Variants in ZNF266 observed in about 807,000 individuals in gnomAD.
ZNF266 encodes zinc finger protein 266.
In ZNF266, 16 loss-of-function variants were observed where a neutral mutation model predicts 16.4. The ratio of observed to expected loss-of-function variants is 0.98; its 90% CI spans 0.66 to 1.48. The LOEUF (loss-of-function observed/expected upper bound fraction) is 1.48, where lower values mean the gene tolerates loss of function less well. ZNF266 is among the 40% of genes most tolerant of loss of function. ZNF266 has a pLI of 0.00. For missense variants in ZNF266, 738 were observed against 689.1 expected, an observed-to-expected ratio of 1.07 and a Z score of -0.79; for synonymous variants, 262 against 237.9, an observed-to-expected ratio of 1.10 and a Z score of -0.93.
chr19:9,414,756 G>A (rs1335003447), intron 10 of ZNF266, 36 bp from the exon 11 acceptor site: 13 of 1,507,570 alleles, frequency 8.6e-6, no homozygotes, highest in South Asian at 1.3e-5. Context: ...TTAAAGGACG[G>A]TTCAGATTGA....
chr19:9,413,328 TG>T lies in ZNF266; in HGVS notation c.1797del (p.Ser600ValfsTer24), dbSNP rs2068488717. On this transcript the variant is annotated frameshift_variant, in exon 11 of 11. Transcript: ENST00000592904. LOFTEE classifies it low-confidence loss of function (END_TRUNC). The part of the protein sequence containing the change: ...CKECGKAFSS[S>X]SSFRNHERRH... ...CTTCTTTCATGATTTCGAAAGGAACTGGAAGAACTGAAGGCTTTCCCGCACT... is the reference window on the plus strand; with the variant it reads ...CTTCTTTCATGATTTCGAAAGGAACTGAAGAACTGAAGGCTTTCCCGCACT... 1.2e-5 allele frequency: 19 copies of T among 1,610,210 alleles called. No homozygotes were observed. Among genetic ancestry groups the T allele is most frequent in the Non-Finnish European group, 1.5e-5 (18 of 1,177,930 alleles).
chr19:9,427,067 G>A (rs1357246445), intron 5 of ZNF266, among the ~76,000 whole-genome samples: 2 of 152,152 alleles, frequency 1.3e-5, no homozygotes, highest in Non-Finnish European at 2.9e-5. Flanking sequence ...GGGCCTCAAG[G>A]ATGAAAACTT....
intron 9 of ZNF266, among the ~76,000 whole-genome samples, chr19:9,416,829 G>T (rs1014132956): frequency 6.6e-6 from 1 of 150,690 alleles, no homozygotes; most frequent in African/African-American, 2.4e-5. Context: ...GCGCCACCAC[G>T]CCCAGCTAAT....
Position 9,414,617 on chromosome 19 carries a change from T to C in ZNF266, c.509A>G (p.Glu170Gly). 1 of 1,611,494 alleles carries C rather than the reference T, an allele frequency of 6.2e-7. No individual in the cohort carries two copies. The highest frequency in any genetic ancestry group is 8.5e-7 in the Non-Finnish European group (1 of 1,177,746). The change falls in exon 11 of 11, where the codon GAG becomes GGG. Residue 170 changes from glutamate (E) to glycine (G), a missense_variant. Coordinates refer to ENST00000592904, the MANE Select transcript of ZNF266 (RefSeq NM_001370374.1). The stretch of plus-strand genomic sequence containing the variant: ...ATACAGATAACACTCAAATGTGTTC[T>C]CACTATTTTGAGTTCTCACATGTGT... ...LKTHVRTQNS[E>G]NTFECYLYGV...
intron 5 of ZNF266, among the ~76,000 whole-genome samples, chr19:9,426,897 T>C (rs968142072): frequency 1.3e-5 from 2 of 152,214 alleles, no homozygotes; most frequent in Non-Finnish European, 2.9e-5. Flanking sequence ...ATAGTACCCA[T>C]GGCCCTAAAA....
At chr19:9,424,484 C>G (rs77561207) in intron 5 of ZNF266, among the ~76,000 whole-genome samples, 16 of 152,174 alleles carry the variant, frequency 1.1e-4, no homozygotes, top group African/African-American at 3.9e-4. Flanking sequence ...CCCGGAGCAG[C>G]TGAGGTTCAA....
intron 5 of ZNF266, among the ~76,000 whole-genome samples, chr19:9,432,069 C>T (rs1284304878): frequency 6.6e-6 from 1 of 152,164 alleles, no homozygotes; most frequent in Non-Finnish European, 1.5e-5. Context: ...GATTCTCCTG[C>T]CTCAGTCTCT....
At position 9,413,184 on chromosome 19, in the gene ZNF266, C is replaced by T. The variant is rs2068472397; in HGVS notation, c.*91G>A. 1 of 1,480,920 alleles carries T rather than the reference C, an allele frequency of 6.8e-7. No individual in the cohort carries two copies. Among genetic ancestry groups the T allele is most frequent in the Non-Finnish European group, 9.0e-7 (1 of 1,106,800 alleles). 91.7% of individuals were successfully genotyped at this position (1,480,920 alleles called of 1,614,324 possible). A position where few individuals can be genotyped will look rare whatever the true frequency, so the allele number is the denominator to read the frequency against. ...CATTAAGACCTGAGATACAAAGTTG[C>T]TTCCACATTTTTACATTCATAGGGT... On this transcript the variant is annotated 3_prime_UTR_variant, in exon 11 of 11. Transcript: ENST00000592904.
At chr19:9,423,868 A>ATGCCTG (rs2070307492) in intron 5 of ZNF266, among the ~76,000 whole-genome samples, 1 of 152,168 alleles carries the variant, frequency 6.6e-6, no homozygotes, top group Admixed American at 6.5e-5. Flanking sequence ...GTGGTGACAC[A>ATGCCTG]TGCCTGTAAT....
intron 7 of ZNF266, chr19:9,419,013 AT>A (rs2069460580): frequency 6.1e-6 from 1 of 162,928 alleles, no homozygotes; most frequent in African/African-American, 2.4e-5. Flanking sequence ...ATTAATCAAT[AT>A]TGAAATACTG....
Position 9,413,496 on chromosome 19 carries a change from T to G in ZNF266, c.1630A>C (p.Thr544Pro), listed in dbSNP as rs1447842896. 5.0e-6 allele frequency: 8 copies of G among 1,612,526 alleles called. No homozygotes were observed. Among genetic ancestry groups the G allele is most frequent in the Non-Finnish European group, 6.8e-6 (8 of 1,179,178 alleles). ...ATCCGCATGTGAAGGTTAACACACG[T>G]GGGAAACTTAAAAGCTTTGCCACAT... Reference protein sequence around the residue: ...MECGKAFKFPTCVNLHMRIHT... With the variant: ...MECGKAFKFPPCVNLHMRIHT... Residue 544 changes from threonine to proline, a missense_variant, in exon 11 of 11, where the codon ACG becomes CCG. Transcript: ENST00000592904.
chr19:9,426,809 A>G (rs1245734919), intron 5 of ZNF266, among the ~76,000 whole-genome samples: 2 of 152,204 alleles, frequency 1.3e-5, no homozygotes, highest in Non-Finnish European at 2.9e-5. Flanking sequence ...TAAAATCTTA[A>G]AAGGGTAACT....
At chr19:9,432,600 T>A (rs1262797477) in intron 5 of ZNF266, among the ~76,000 whole-genome samples, 2 of 152,196 alleles carry the variant, frequency 1.3e-5, no homozygotes, top group African/African-American at 2.4e-5. Flanking sequence ...ATAAGCGAGT[T>A]AAGCTCCTAC....
intron 5 of ZNF266, among the ~76,000 whole-genome samples, chr19:9,432,760 G>A (rs966632432): frequency 1.6e-4 from 23 of 147,716 alleles, no homozygotes; most frequent in African/African-American, 5.8e-4. Context: ...TGATGAATTG[G>A]TATGTGATGG....
intron 5 of ZNF266, among the ~76,000 whole-genome samples, chr19:9,428,926 G>A (rs1361550702): frequency 6.6e-6 from 1 of 151,436 alleles, no homozygotes. Flanking sequence ...AAGAGGCAGG[G>A]TCTCGCTATG....
At chr19:9,428,139 G>A (rs2071039812) in intron 5 of ZNF266, among the ~76,000 whole-genome samples, 1 of 152,092 alleles carries the variant, frequency 6.6e-6, no homozygotes, top group African/African-American at 2.4e-5. Context: ...TTATTCACCA[G>A]TAAAACAAGT....
chr19:9,418,888 G>A (rs903444536), intron 7 of ZNF266: 5 of 283,668 alleles, frequency 1.8e-5, no homozygotes, highest in Non-Finnish European at 3.3e-5. Context: ...GCAGATGCTA[G>A]ATAAACACTG....
At position 9,416,118 on chromosome 19, in the gene ZNF266, G is replaced by A. The variant is rs144820013; in HGVS notation, c.317-376C>T. 6.9e-3 allele frequency among the ~76,000 whole-genome samples: 1,056 copies of A among 152,148 alleles called. 10 individuals are homozygous for A. The highest frequency in any genetic ancestry group is 0.024 in the African/African-American group (979 of 41,534). On this transcript the variant is annotated intron_variant, in intron 9 of 10. Transcript: ENST00000592904. ...ATTACAGGCATTAGCCACCACACCC[G>A]GCCCCTGTATTTGTTTTCAAATTAA...
chr19:9,429,304 T>G (rs1244334100), intron 5 of ZNF266, among the ~76,000 whole-genome samples: 1 of 152,010 alleles, frequency 6.6e-6, no homozygotes, highest in Admixed American at 6.6e-5. Flanking sequence ...TTACTAACAT[T>G]AGATTGTCCC....
Sources: gnomAD v4.1 joint callset for allele counts (sites outside exome capture counted in the v4.1 genomes callset) on GRCh38, gnomAD v4.1.1 for gene constraint, MANE v1.5 for transcripts, NCBI Gene and HGNC (gene_info 2026-07-23, HGNC 2026-07-21) for gene names.